P2RY12: variants seen among roughly 807,000 people sequenced by gnomAD.
P2RY12 encodes the protein P2Y purinoceptor 12.
P2RY12 carries 3 observed loss-of-function variants against 4.5 expected under a neutral mutation model. The observed-to-expected ratio is 0.67, with a 90% CI of 0.31 to 1.74. The LOEUF is 1.74. Among genes scored for constraint, P2RY12 ranks in the 40% most tolerant of loss-of-function variants. P2RY12 has a pLI of 0.09. For missense variants in P2RY12, 356 were observed against 407.8 expected, an observed-to-expected ratio of 0.87 and a Z score of 1.09; for synonymous variants, 148 against 154.1, an observed-to-expected ratio of 0.96 and a Z score of 0.29.
chr3:151,374,252 A>G (rs749128800), intron 1 of P2RY12, among the ~76,000 whole-genome samples: 14 of 152,232 alleles, frequency 9.2e-5, no homozygotes, highest in Non-Finnish European at 2.1e-4. Flanking sequence ...TACAGTATCA[A>G]AAATGTACAC....
intron 1 of P2RY12, among the ~76,000 whole-genome samples, chr3:151,349,852 C>CT (rs112308445): frequency 0.28 from 39,343 of 139,594 alleles, 5,904 homozygotes; most frequent in East Asian, 0.5. Flanking sequence ...TCAGTTGACA[C>CT]TTTTTTTTTT....
intron 1 of P2RY12, chr3:151,355,869 A>G (rs1753856915): frequency 6.3e-7 from 1 of 1,576,050 alleles, no homozygotes; most frequent in Non-Finnish European, 8.6e-7. Flanking sequence ...TATTGGTCTT[A>G]CAATATTTTT....
chr3:151,353,040 A>G lies in P2RY12; in HGVS notation c.-179-12280T>C, dbSNP rs1178758871. Among the ~76,000 whole-genome samples the G allele has an allele frequency of 3.3e-5, 5 of 152,212 alleles. No individual in the cohort carries two copies. The East Asian group carries it at 9.6e-4, about 29-fold the overall frequency. On this transcript the variant is annotated intron_variant, in intron 1 of 2. Transcript: ENST00000302632. ...CTTACATTTTGCTGTTAAAATGAGT[A>G]TAAATTGCTAAGAACCAATTACATT...
chr3:151,370,096 T>A (rs1005789320), intron 1 of P2RY12, among the ~76,000 whole-genome samples: 3 of 152,206 alleles, frequency 2.0e-5, no homozygotes, highest in Non-Finnish European at 2.9e-5. Flanking sequence ...TTCACAATAA[T>A]TTTTTTCATT....
At chr3:151,365,233 G>A in intron 1 of P2RY12, 1 of 1,580,340 alleles carries the variant, frequency 6.3e-7, no homozygotes, top group Non-Finnish European at 8.7e-7. Context: ...TGGAATTCAT[G>A]ATTAACCAAA....
intron 1 of P2RY12, chr3:151,380,110 T>C: frequency 6.4e-7 from 1 of 1,553,608 alleles, no homozygotes. Flanking sequence ...ACTTCCTTTG[T>C]AGTATGTCTC....
At chr3:151,357,196 C>A (rs1372601321) in intron 1 of P2RY12, 1 of 1,571,174 alleles carries the variant, frequency 6.4e-7, no homozygotes. Flanking sequence ...TTTATTCAGT[C>A]TTTTCTCCTG....
chr3:151,354,396 A>G (rs1355601953), intron 1 of P2RY12, among the ~76,000 whole-genome samples: 1 of 152,108 alleles, frequency 6.6e-6, no homozygotes, highest in Non-Finnish European at 1.5e-5. Context: ...TAAACATGTC[A>G]CTTCTTCATT....
intron 1 of P2RY12, among the ~76,000 whole-genome samples, chr3:151,366,777 G>A (rs1447588942): frequency 1.3e-5 from 2 of 152,076 alleles, no homozygotes; most frequent in Non-Finnish European, 2.9e-5. Flanking sequence ...AAGAATTTAT[G>A]TATATAAAAT....
intron 1 of P2RY12, chr3:151,365,007 A>G (rs1755100535): frequency 5.6e-6 from 9 of 1,614,018 alleles, no homozygotes; most frequent in South Asian, 1.1e-5. Context: ...AAAGCAAACC[A>G]TATATAATAA....
chr3:151,339,835 C>T (rs753220893), intron 2 of P2RY12, among the ~76,000 whole-genome samples: 5 of 152,040 alleles, frequency 3.3e-5, no homozygotes, highest in Non-Finnish European at 7.4e-5. Flanking sequence ...GCATCTACAT[C>T]TTGGGAATTT....
At chr3:151,382,792 G>T (rs757949381) in intron 1 of P2RY12, 3 of 1,452,042 alleles carry the variant, frequency 2.1e-6, no homozygotes, top group Non-Finnish European at 9.5e-7. Flanking sequence ...ATATTTACAT[G>T]TGAAAATACC....
chr3:151,368,963 G>A (rs1445536646), intron 1 of P2RY12, among the ~76,000 whole-genome samples: 1 of 151,794 alleles, frequency 6.6e-6, no homozygotes, highest in Non-Finnish European at 1.5e-5. Flanking sequence ...GGATTTCACT[G>A]TGTTGGCCAG....
At chr3:151,383,632 G>A (rs538270629) in intron 1 of P2RY12, 9 of 575,538 alleles carry the variant, frequency 1.6e-5, no homozygotes, top group Admixed American at 1.1e-4. Context: ...AAACATGTAG[G>A]TAAAAGAGAA....
chr3:151,339,080 GAA>G (rs1338416842), intron 2 of P2RY12, among the ~76,000 whole-genome samples: 3 of 152,122 alleles, frequency 2.0e-5, no homozygotes, highest in South Asian at 4.1e-4. Context: ...TACAATATGT[GAA>G]GTTATAGATG....
In P2RY12 at chr3:151,366,090, G is replaced by A. The variant is rs1373993928; in HGVS notation, c.-180+18602C>T. ...TGGCTTTTATTTAATTGATTCAACT[G>A]AAATGTTATAAAATATTTTTTCTTT... On this transcript the variant is annotated intron_variant, in intron 1 of 2. Transcript: ENST00000302632. 4.2e-5 allele frequency: 43 copies of A among 1,029,974 alleles called. 1 individual carries two copies. In the South Asian group the frequency reaches 5.9e-4, roughly 14 times the overall value. The allele number at this position is 1,029,974 out of a possible 1,614,324, so 63.8% of individuals were successfully genotyped here.
intron 1 of P2RY12, chr3:151,365,711 G>C: frequency 1.3e-6 from 1 of 746,812 alleles, no homozygotes; most frequent in Non-Finnish European, 2.1e-6. Context: ...TAAGTTATTT[G>C]ACAAATGAGT....
chr3:151,338,908 A>G, intron 2 of P2RY12, 49 bp from the exon 3 acceptor site: 16 of 1,535,574 alleles, frequency 1.0e-5, no homozygotes, highest in Non-Finnish European at 1.4e-5. Flanking sequence ...GGTAGTTATT[A>G]TTGCTGTTAT....
At chr3:151,366,136 C>A in intron 1 of P2RY12, 1 of 617,506 alleles carries the variant, frequency 1.6e-6, no homozygotes, top group South Asian at 5.0e-5. Context: ...AAGCAGTAAA[C>A]CACAATGACA....
Sources: gnomAD v4.1 joint callset for allele counts (sites outside exome capture counted in the v4.1 genomes callset) on GRCh38, gnomAD v4.1.1 for gene constraint, MANE v1.5 for transcripts, NCBI Gene and HGNC (gene_info 2026-07-23, HGNC 2026-07-21) for gene names.